The following CHN2 variants were observed in gnomAD, a reference collection of about 807,000 sequenced individuals.
CHN2 encodes the protein chimerin 2, also known as beta-chimaerin.
Under a neutral mutation model 56.3 loss-of-function variants are expected in CHN2, and 35 were observed. The ratio of observed to expected loss-of-function variants is 0.62; its 90% CI spans 0.47 to 0.82. CHN2 has a LOEUF of 0.82. Ranked by LOEUF, CHN2 falls within the 40% of genes least tolerant of loss-of-function variation. The probability of loss-of-function intolerance (pLI) is 0.00; values close to 1 mark genes in which losing one functional copy is unlikely to be tolerated. For synonymous variants in CHN2, 210 were observed against 212.8 expected (o/e 0.99, Z 0.12); for missense variants, 491 against 580.5 (o/e 0.85, Z 1.58).
chr7:29,286,020 C>A (rs751471560), intron 1 of CHN2, among the ~76,000 whole-genome samples: 3 of 152,142 alleles, frequency 2.0e-5, no homozygotes, highest in Admixed American at 6.5e-5. Flanking sequence ...TATTTCCTGG[C>A]CGCCAAGTAC....
At chr7:29,431,090 G>A (rs1355540772) in intron 6 of CHN2, among the ~76,000 whole-genome samples, 1 of 152,110 alleles carries the variant, frequency 6.6e-6, no homozygotes, top group African/African-American at 2.4e-5. Context: ...AAGCGTACCT[G>A]GTATAGGGAA....
chr7:29,389,237 G>A (rs1176435680), intron 3 of CHN2, among the ~76,000 whole-genome samples: 1 of 152,176 alleles, frequency 6.6e-6, no homozygotes, highest in Non-Finnish European at 1.5e-5. Flanking sequence ...ATTCTCTTAT[G>A]ATCATGCCTC....
rs370813742 is a variant in CHN2 at position 29,195,026 on chromosome 7, G to T, written c.49+36G>T. The T allele has an allele frequency of 2.1e-5, 33 of 1,575,918 alleles. No homozygotes were observed. The African/African-American group carries it at 4.4e-4, about 21-fold the overall frequency. ...GCCCGTCGGGCGCTGCTGCCGCGCC[G>T]GGTCTCGCCCCACTGCCCTCGCCCC... On this transcript the variant is annotated intron_variant, in intron 1 of 12. Coordinates refer to ENST00000222792, the MANE Select transcript of CHN2 (RefSeq NM_004067.4).
chr7:29,287,268 G>A (rs538903138), intron 1 of CHN2, among the ~76,000 whole-genome samples: 5 of 152,124 alleles, frequency 3.3e-5, no homozygotes, highest in Admixed American at 6.5e-5. Context: ...GAGCCACCTT[G>A]CCCCCAGGAA....
intron 1 of CHN2, chr7:29,335,723 C>T (rs1255291122): frequency 2.6e-5 from 4 of 152,188 alleles, no homozygotes; most frequent in Non-Finnish European, 5.9e-5. Flanking sequence ...CCAGCTTGTG[C>T]CTGACTAGTC....
chr7:29,163,658 A>T (rs2128714333), intron 2 of CHN2, among the ~76,000 whole-genome samples: 1 of 152,326 alleles, frequency 6.6e-6, no homozygotes, highest in South Asian at 2.1e-4. Context: ...TCATCACAAG[A>T]TAACAAACAT....
intron 2 of CHN2, among the ~76,000 whole-genome samples, chr7:29,176,267 A>G (rs1001756376): frequency 6.6e-6 from 1 of 152,174 alleles, no homozygotes; most frequent in African/African-American, 2.4e-5. Flanking sequence ...AGAGAAGTCA[A>G]GAAGGCCAAT....
At chr7:29,277,068 T>C (rs774459475) in intron 1 of CHN2, among the ~76,000 whole-genome samples, 29 of 152,290 alleles carry the variant, frequency 1.9e-4, no homozygotes, top group Middle Eastern at 6.8e-3. Flanking sequence ...TCACTGATCA[T>C]GCATTTAAGG....
chr7:29,265,189 C>A (rs181786197), intron 1 of CHN2, among the ~76,000 whole-genome samples: 2 of 152,214 alleles, frequency 1.3e-5, no homozygotes, highest in Non-Finnish European at 2.9e-5. Context: ...ATTCCTTCAA[C>A]TTCTCCTGAC....
At chr7:29,264,105 C>T (rs538048458) in intron 1 of CHN2, among the ~76,000 whole-genome samples, 459 of 150,092 alleles carry the variant, frequency 3.1e-3, no homozygotes, top group Non-Finnish European at 5.4e-3. Context: ...CTGGCTGCCC[C>T]GTCTGGGAAG....
rs576389354 is a variant in CHN2 at position 29,175,332 on chromosome 7, G to A, written c.274+28372G>A. 7.2e-5 allele frequency among the ~76,000 whole-genome samples: 11 copies of A among 151,986 alleles called. No individual in the cohort carries two copies. The South Asian group carries it at 1.7e-3, about 23-fold the overall frequency. On this transcript the variant is annotated intron_variant, in intron 2 of 6. Transcript: ENST00000439384. ...TGGGATTACAGGCGCATGCCACCACGCCTGACTAATTTTTTGTATTTTCAG... is the reference window on the plus strand; with the variant it reads ...TGGGATTACAGGCGCATGCCACCACACCTGACTAATTTTTTGTATTTTCAG...
At chr7:29,274,648 G>T (rs1276664229) in intron 1 of CHN2, among the ~76,000 whole-genome samples, 1 of 125,932 alleles carries the variant, frequency 7.9e-6, no homozygotes, top group African/African-American at 3.4e-5. Flanking sequence ...TGGAGAGAAT[G>T]ACAGTGGGTA....
chr7:29,238,015 CTTTTTTTTTTT>C (rs11405147), intron 1 of CHN2, among the ~76,000 whole-genome samples: 1 of 106,004 alleles, frequency 9.4e-6, no homozygotes, highest in Non-Finnish European at 1.8e-5. Context: ...TATGTATTCT[CTTTTTTTTTTT>C]TTTTTTTTTT....
At chr7:29,497,217 A>C (rs1789399301) in intron 8 of CHN2, among the ~76,000 whole-genome samples, 1 of 152,206 alleles carries the variant, frequency 6.6e-6, no homozygotes. Flanking sequence ...TTAACACTAA[A>C]GACTGACTTG....
chr7:29,306,072 G>A (rs1794135053), intron 1 of CHN2, among the ~76,000 whole-genome samples: 1 of 152,070 alleles, frequency 6.6e-6, no homozygotes, highest in Non-Finnish European at 1.5e-5. Context: ...AAGTATCTCA[G>A]GATGTTCCCA....
intron 6 of CHN2, among the ~76,000 whole-genome samples, chr7:29,437,452 G>A (rs1238131082): frequency 1.2e-4 from 16 of 131,118 alleles, no homozygotes; most frequent in African/African-American, 3.3e-4. Context: ...CAAAAAATTA[G>A]CCGGGCGTGG....
intron 7 of CHN2, among the ~76,000 whole-genome samples, chr7:29,483,628 T>A (rs968277528): frequency 1.9e-4 from 29 of 152,194 alleles, no homozygotes; most frequent in Admixed American, 1.9e-3. Context: ...CTCGGTTATT[T>A]AGCTCATTTT....
chr7:29,370,073 G>T (rs1325622286), intron 3 of CHN2, among the ~76,000 whole-genome samples: 3 of 152,178 alleles, frequency 2.0e-5, no homozygotes, highest in Non-Finnish European at 4.4e-5. Flanking sequence ...GGTCAAGTTT[G>T]CTGGAAGAAC....
chr7:29,432,603 C>T (rs1562602314), intron 6 of CHN2, among the ~76,000 whole-genome samples: 1 of 152,202 alleles, frequency 6.6e-6, no homozygotes, highest in East Asian at 1.9e-4. Context: ...TGGAAGGAAT[C>T]AACATCATTA....
Sources: gnomAD v4.1 joint callset for allele counts (sites outside exome capture counted in the v4.1 genomes callset) on GRCh38, gnomAD v4.1.1 for gene constraint, MANE v1.5 for transcripts, NCBI Gene and HGNC (gene_info 2026-07-23, HGNC 2026-07-21) for gene names.